ZBTB8A: variants seen among roughly 807,000 people sequenced by gnomAD.
ZBTB8A encodes the protein zinc finger and BTB domain-containing protein 8A.
In ZBTB8A, 19 loss-of-function variants were observed where a neutral mutation model predicts 37.8. The ratio of observed to expected loss-of-function variants is 0.50; its 90% CI spans 0.35 to 0.74. The LOEUF (loss-of-function observed/expected upper bound fraction) is 0.74, where lower values mean the gene tolerates loss of function less well. Among genes scored for constraint, ZBTB8A ranks in the 30% least tolerant of loss-of-function variants. The probability of loss-of-function intolerance (pLI) is 0.01; values close to 1 mark genes in which losing one functional copy is unlikely to be tolerated. For synonymous variants in ZBTB8A, 181 were observed against 185.2 expected (o/e 0.98, Z 0.19); for missense variants, 394 against 537.8 (o/e 0.73, Z 2.65).
chr1:32,569,420 G>A (rs375040688), intron 2 of ZBTB8A, among the ~76,000 whole-genome samples: 1 of 121,328 alleles, frequency 8.2e-6, no homozygotes, highest in African/African-American at 3.1e-5. Flanking sequence ...TTGAGACAGA[G>A]TCTTGCTCTG....
At chr1:32,573,159 C>T in intron 2 of ZBTB8A, among the ~76,000 whole-genome samples, 1 of 150,592 alleles carries the variant, frequency 6.6e-6, no homozygotes. Flanking sequence ...CAACCTCCCC[C>T]TCCCAGGTTC....
chr1:32,576,042 A>G (rs1239747310), intron 2 of ZBTB8A, among the ~76,000 whole-genome samples: 3 of 152,214 alleles, frequency 2.0e-5, no homozygotes, highest in African/African-American at 7.2e-5. Flanking sequence ...CATATATAGC[A>G]GATTTCACAA....
At chr1:32,565,505 A>G (rs1464288775) in intron 2 of ZBTB8A, among the ~76,000 whole-genome samples, 1 of 152,034 alleles carries the variant, frequency 6.6e-6, no homozygotes, top group Non-Finnish European at 1.5e-5. Context: ...TAATTAAAAA[A>G]TTAGCTGGGC....
At position 32,551,784 on chromosome 1, in the gene ZBTB8A, G is replaced by T. The variant is rs376497088; in HGVS notation, c.-83-1675G>T. Among the ~76,000 whole-genome samples the T allele has an allele frequency of 2.5e-4, 38 of 152,202 alleles. No homozygotes were observed. The South Asian group carries it at 7.9e-3, about 32-fold the overall frequency. ...AGATAGGTCTCACTATGTTCCCTAC[G>T]CTGGTCTGGAATTCCTGGCTTCAGG... is the stretch of plus-strand genomic sequence containing the variant. On this transcript the variant is annotated intron_variant, in intron 1 of 4. Coordinates refer to ENST00000373510, the MANE Select transcript of ZBTB8A (RefSeq NM_001040441.3).
chr1:32,594,193 C>CA (rs201281415), intron 3 of ZBTB8A, among the ~76,000 whole-genome samples: 3,727 of 80,300 alleles, frequency 0.046, 72 homozygotes, highest in Non-Finnish European at 0.067. Context: ...GACTCTGTCT[C>CA]AAAAAAACAA....
chr1:32,542,330 G>A (rs1014843379), intron 1 of ZBTB8A, among the ~76,000 whole-genome samples: 1 of 152,104 alleles, frequency 6.6e-6, no homozygotes, highest in African/African-American at 2.4e-5. Context: ...CAAGGCCTCG[G>A]GGGTCGGGGG....
At chr1:32,563,432 T>C (rs1230827400) in intron 2 of ZBTB8A, among the ~76,000 whole-genome samples, 1 of 152,162 alleles carries the variant, frequency 6.6e-6, no homozygotes, top group Non-Finnish European at 1.5e-5. Context: ...TTTTCCCCCC[T>C]AGGGCTGACA....
At chr1:32,578,972 T>C (rs541458295) in intron 2 of ZBTB8A, among the ~76,000 whole-genome samples, 30 of 152,180 alleles carry the variant, frequency 2.0e-4, no homozygotes, top group Admixed American at 4.6e-4. Context: ...TTTGGTTTAC[T>C]TGTTAATTTG....
At chr1:32,565,346 GA>G (rs1644270445) in intron 2 of ZBTB8A, among the ~76,000 whole-genome samples, 1 of 151,740 alleles carries the variant, frequency 6.6e-6, no homozygotes, top group South Asian at 2.1e-4. Context: ...AAAAAGAAAA[GA>G]AAAAAAGAAA....
At chr1:32,584,056 C>A (rs1036165219) in intron 2 of ZBTB8A, among the ~76,000 whole-genome samples, 1 of 151,946 alleles carries the variant, frequency 6.6e-6, no homozygotes, top group Non-Finnish European at 1.5e-5. Context: ...CCACACCTGA[C>A]CAAGGAGGAG....
chr1:32,561,943 T>G lies in ZBTB8A; in HGVS notation c.-2+8403T>G, dbSNP rs1428423771. On this transcript the variant is annotated intron_variant, in intron 2 of 4. Coordinates refer to ENST00000373510, the MANE Select transcript of ZBTB8A (RefSeq NM_001040441.3). ...GAGTGGAAGGAGGTGGTACATACTT[T>G]TTTATTTTTTATTTATTTTTATTTG... 3.3e-5 allele frequency among the ~76,000 whole-genome samples: 5 copies of G among 151,886 alleles called. No homozygotes were observed. The East Asian group carries it at 9.7e-4, about 29-fold the overall frequency.
intron 1 of ZBTB8A, among the ~76,000 whole-genome samples, chr1:32,549,941 C>T (rs1356091589): frequency 6.6e-6 from 1 of 152,170 alleles, no homozygotes; most frequent in African/African-American, 2.4e-5. Flanking sequence ...AGATGGTTCC[C>T]ACCTCATTTC....
intron 2 of ZBTB8A, among the ~76,000 whole-genome samples, chr1:32,573,516 T>C (rs1175975638): frequency 6.6e-6 from 1 of 151,134 alleles, no homozygotes; most frequent in Non-Finnish European, 1.5e-5. Context: ...CACTGCAGCC[T>C]CGACTTCCTG....
intron 2 of ZBTB8A, among the ~76,000 whole-genome samples, chr1:32,565,797 G>A (rs1644273968): frequency 1.3e-5 from 2 of 152,000 alleles, no homozygotes; most frequent in African/African-American, 2.4e-5. Context: ...CTGTATGCTG[G>A]ACATTATGCA....
chr1:32,555,246 G>A (rs999043659), intron 2 of ZBTB8A, among the ~76,000 whole-genome samples: 3 of 152,124 alleles, frequency 2.0e-5, no homozygotes, highest in East Asian at 1.9e-4. Flanking sequence ...AAAATTAGCC[G>A]GGCGTGGTGG....
intron 1 of ZBTB8A, among the ~76,000 whole-genome samples, chr1:32,550,091 C>T (rs1246842740): frequency 6.6e-6 from 1 of 152,044 alleles, no homozygotes; most frequent in East Asian, 1.9e-4. Context: ...GTCGTGGTGG[C>T]TCATGCCTGT....
At chr1:32,560,171 G>A (rs1464846997) in intron 2 of ZBTB8A, among the ~76,000 whole-genome samples, 1 of 152,110 alleles carries the variant, frequency 6.6e-6, no homozygotes, top group Admixed American at 6.6e-5. Context: ...AGTATCAAGG[G>A]GGGATGGTGC....
chr1:32,587,080 A>T (rs1454446855), intron 2 of ZBTB8A, among the ~76,000 whole-genome samples: 2 of 152,080 alleles, frequency 1.3e-5, no homozygotes, highest in Non-Finnish European at 2.9e-5. Flanking sequence ...CTCTACTAAA[A>T]ATACAAAAAT....
At chr1:32,548,890 T>A (rs1644128068) in intron 1 of ZBTB8A, among the ~76,000 whole-genome samples, 1 of 152,004 alleles carries the variant, frequency 6.6e-6, no homozygotes, top group Non-Finnish European at 1.5e-5. Flanking sequence ...CTCTCATTGA[T>A]AAAAAGAAAT....
Sources: allele counts gnomAD v4.1 joint callset (sites outside exome capture counted in the v4.1 genomes callset), GRCh38; gene constraint gnomAD v4.1.1; transcripts MANE v1.5; gene names NCBI Gene and HGNC (gene_info 2026-07-23, HGNC 2026-07-21).